Variants in MUC3A observed in about 807,000 individuals in gnomAD.
The protein encoded by MUC3A is mucin-3A.
Under a neutral mutation model 109.0 loss-of-function variants are expected in MUC3A, and 109 were observed. The ratio of observed to expected loss-of-function variants is 1.00; its 90% CI spans 0.86 to 1.17. The LOEUF is 1.17. MUC3A is among the 50% of genes most tolerant of loss of function. The pLI, the probability that MUC3A is intolerant of heterozygous loss-of-function variation, is 0.00. For missense variants in MUC3A, 3,537 were observed against 2,469.4 expected (o/e 1.43, Z -9.16); for synonymous variants, 1,398 against 981.4 (o/e 1.42, Z -7.93).
At chr7:100,950,291 C>G (rs1020910509) in intron 1 of MUC3A, among the ~76,000 whole-genome samples, 4 of 152,424 alleles carry the variant, frequency 2.6e-5, no homozygotes, top group Non-Finnish European at 2.9e-5. Context: ...GTCCACTTCG[C>G]TTCCAAGGGT....
chr7:100,950,363 C>T (rs924407137), intron 1 of MUC3A, among the ~76,000 whole-genome samples: 1 of 152,288 alleles, frequency 6.6e-6, no homozygotes, highest in Admixed American at 6.5e-5. Flanking sequence ...AGGAACACCT[C>T]GCAATTCCTC....
At position 100,965,672 on chromosome 7, in the gene MUC3A, T is replaced by C. The variant is rs752546776; in HGVS notation, c.9449-32T>C. The C allele has an allele frequency of 6.3e-6, 10 of 1,585,228 alleles. No individual in the cohort carries two copies. The South Asian group carries it at 1.0e-4, about 16-fold the overall frequency. On this transcript the variant is annotated intron_variant, in intron 7 of 11. Transcript: ENST00000379458. ...CCCTGAATAGAATGGATGAGGTCCTTGTCTCTGTGCATCCCCCTCCCCAAC... is the reference window on the plus strand; with the variant it reads ...CCCTGAATAGAATGGATGAGGTCCTCGTCTCTGTGCATCCCCCTCCCCAAC...
chr7:100,964,963 A>G, intron 6 of MUC3A, 120 bp downstream of exon 6: 2 of 1,433,308 alleles, frequency 1.4e-6, no homozygotes, highest in Non-Finnish European at 1.8e-6. Context: ...AGGTTGGGAG[A>G]AGGGGAATAA....
intron 1 of MUC3A, among the ~76,000 whole-genome samples, chr7:100,951,407 G>A (rs79986815): frequency 0.19 from 24,919 of 131,838 alleles, no homozygotes; most frequent in African/African-American, 0.2. Flanking sequence ...ACAGCAGCAG[G>A]GTGCCGGGAG....
intron 7 of MUC3A, 53 bp downstream of exon 7, chr7:100,965,400 C>T: frequency 1.3e-6 from 2 of 1,572,636 alleles, no homozygotes; most frequent in Non-Finnish European, 1.7e-6. Context: ...ATCCGGGCTA[C>T]CAGGGACATT....
At position 100,955,783 on chromosome 7, in the gene MUC3A, C is replaced by T. The variant is rs1353275951; in HGVS notation, c.4004C>T (p.Thr1335Met). Residue 1335 changes from threonine to methionine, a missense_variant, in exon 2 of 12, where the codon ACG (threonine) becomes ATG (methionine). Coordinates refer to ENST00000379458, the MANE Select transcript of MUC3A (RefSeq NM_005960.2). ...ACCACCTCATTCACCACATCCCCAA[C>T]GATGGAACCACCTTCAACCACTGTA... ...TTTTSFTTSP[T>M]MEPPSTTVAT... 26 of 323,142 alleles carry T rather than the reference C, an allele frequency of 8.0e-5. No individual in the cohort carries two copies. The highest frequency in any genetic ancestry group is 1.7e-4 in the African/African-American group (4 of 23,096). 20.0% of individuals were successfully genotyped at this position (323,142 alleles called of 1,614,324 possible).
At chr7:100,960,980 G>T in intron 3 of MUC3A, 43 bp downstream of exon 3, 2 of 1,598,338 alleles carry the variant, frequency 1.3e-6, no homozygotes, top group South Asian at 1.1e-5. Context: ...CTCCCACAGG[G>T]TGTCACTGAC....
intron 8 of MUC3A, 47 bp downstream of exon 8, chr7:100,965,913 T>C: frequency 1.3e-6 from 2 of 1,550,924 alleles, no homozygotes; most frequent in Non-Finnish European, 1.7e-6. Context: ...CTCCCACTCA[T>C]TCTAGGATGA....
At position 100,966,699 on chromosome 7, in the gene MUC3A, T is replaced by C. The variant is rs1265435846; in HGVS notation, c.9833T>C (p.Val3278Ala). The stretch of plus-strand genomic sequence containing the variant: ...TGGTTCGAGACCTGGGATGAGGAAG[T>C]CGTGGGCACTTTTTCAAACTGGGGT... ...RKWFETWDEEVVGTFSNWGFE... is the reference protein window; with the variant it reads ...RKWFETWDEEAVGTFSNWGFE... Residue 3278 changes from valine to alanine, a missense_variant, in exon 10 of 12, where the codon GTC (valine) becomes GCC (alanine). Val to Ala is a moderately conservative substitution (Grantham distance 64). Coordinates refer to ENST00000379458, the MANE Select transcript of MUC3A (RefSeq NM_005960.2). The C allele has an allele frequency of 7.5e-6, 12 of 1,598,544 alleles. No homozygotes were observed. Among genetic ancestry groups the C allele is most frequent in the Non-Finnish European group, 1.0e-5 (12 of 1,179,826 alleles).
Position 100,966,695 on chromosome 7 carries a change from G to A in MUC3A, c.9829G>A (p.Glu3277Lys), listed in dbSNP as rs587743533. 5.3e-5 allele frequency: 84 copies of A among 1,598,506 alleles called. No homozygotes were observed. The African/African-American group carries it at 9.3e-4, about 18-fold the overall frequency. ...GAAATGGTTCGAGACCTGGGATGAGGAAGTCGTGGGCACTTTTTCAAACTG... is the reference window on the plus strand; with the variant it reads ...GAAATGGTTCGAGACCTGGGATGAGAAAGTCGTGGGCACTTTTTCAAACTG... ...DRKWFETWDE[E>K]VVGTFSNWGF... The change falls in exon 10 of 12, where the codon GAA becomes AAA. Residue 3277 changes from glutamate to lysine, a missense_variant. Glu to Lys is a moderately conservative substitution (Grantham distance 56). Coordinates refer to ENST00000379458, the MANE Select transcript of MUC3A (RefSeq NM_005960.2).
In MUC3A at chr7:100,957,401, C is replaced by T. The variant is rs1054594800; in HGVS notation, c.5622C>T (p.Pro1874=). ...GTLSTVTSLR[P]TSSSLLTTVT... is the part of the protein sequence containing the mutation. Reference sequence around the variant, plus strand: ...TGTCCACTGTGACCTCTCTTCGACCCACCTCTTCCTCTCTCCTCACCACAG... The same window carrying T: ...TGTCCACTGTGACCTCTCTTCGACCTACCTCTTCCTCTCTCCTCACCACAG... The change falls in exon 2 of 12, where the codon CCC becomes CCT. Residue 1874 remains proline, a synonymous_variant. Coordinates refer to ENST00000379458, the MANE Select transcript of MUC3A (RefSeq NM_005960.2). 5 of 687,178 alleles carry T rather than the reference C, an allele frequency of 7.3e-6. No individual in the cohort carries two copies. Among genetic ancestry groups the T allele is most frequent in the African/African-American group, 4.3e-5 (2 of 46,456 alleles). The allele number at this position is 687,178 out of a possible 1,614,324, so 42.6% of individuals were successfully genotyped here.
In MUC3A at chr7:100,966,559, G is replaced by T. The variant is rs776172302; in HGVS notation, c.9785G>T (p.Arg3262Leu). ...SGWWGGQRRGRSWDQDRKWFE... is the reference protein window; with the variant it reads ...SGWWGGQRRGLSWDQDRKWFE... The stretch of plus-strand genomic sequence containing the variant: ...TGGTGGGGCGGCCAGCGCCGAGGCC[G>T]GTGAGCGTGCGGGGGGCGGGGCCGG... Residue 3262 changes from arginine to leucine, a missense_variant and splice_region_variant, in exon 9 of 12, where the codon CGG becomes CTG. Arg to Leu is a moderately radical substitution (Grantham distance 102, BLOSUM62 -2). Coordinates refer to ENST00000379458, the MANE Select transcript of MUC3A (RefSeq NM_005960.2). 5 of 1,461,230 alleles carry T rather than the reference G, an allele frequency of 3.4e-6. No homozygotes were observed. Among genetic ancestry groups the T allele is most frequent in the African/African-American group, 2.9e-5 (2 of 69,318 alleles). 90.5% of individuals were successfully genotyped at this position (1,461,230 alleles called of 1,614,324 possible).
chr7:100,966,372 G>T lies in MUC3A; in HGVS notation c.9612-14G>T, dbSNP rs760187871. 13 of 1,323,026 alleles carry T rather than the reference G, an allele frequency of 9.8e-6. No homozygotes were observed. The African/African-American group carries it at 2.0e-4, about 20-fold the overall frequency. 82.0% of individuals were successfully genotyped at this position (1,323,026 alleles called of 1,614,324 possible). A position where few individuals can be genotyped will look rare whatever the true frequency, so the allele number is the denominator to read the frequency against. On this transcript the variant is annotated splice_polypyrimidine_tract_variant and intron_variant, in intron 8 of 11. Coordinates refer to ENST00000379458, the MANE Select transcript of MUC3A (RefSeq NM_005960.2). ...CCGGAGGTGAAGAGGGTCTGACCCT[G>T]CGATCTCCCGCAGCTGCTACTCCAC...
Position 100,963,578 on chromosome 7 carries a change from C to CCCGG in MUC3A, c.9169-105_9169-102dup, listed in dbSNP as rs568868403. On this transcript the variant is annotated intron_variant, in intron 4 of 11. Transcript: ENST00000379458. ...GGGATTACAGGCGTGAGCCACGGCA[C>CCCGG]CCGGCCGGGGAGGGGAATTGAAGGG... is the stretch of plus-strand genomic sequence containing the variant. 426 of 1,535,574 alleles carry CCCGG rather than the reference C, an allele frequency of 2.8e-4. No individual in the cohort carries two copies. The South Asian group carries it at 4.6e-3, about 17-fold the overall frequency.
At chr7:100,966,225 C>T in intron 8 of MUC3A, 161 bp from the exon 9 acceptor site, 2 of 431,180 alleles carry the variant, frequency 4.6e-6, no homozygotes, top group East Asian at 8.5e-5. Flanking sequence ...AGAGCCCCGG[C>T]CCCTCGTTCT....
In MUC3A at chr7:100,957,178, C is replaced by G. The variant is rs1327349792; in HGVS notation, c.5399C>G (p.Ser1800Cys). 2 of 459,584 alleles carry G rather than the reference C, an allele frequency of 4.4e-6. No homozygotes were observed. Among genetic ancestry groups the G allele is most frequent in the Middle Eastern group, 2.9e-4 (1 of 3,488 alleles). 28.5% of individuals were successfully genotyped at this position (459,584 alleles called of 1,614,324 possible). Residue 1800 changes from serine (S) to cysteine (C), a missense_variant, in exon 2 of 12, where the codon TCT (serine) becomes TGT (cysteine). Ser to Cys is a moderately radical substitution (Grantham distance 112). Coordinates refer to ENST00000379458, the MANE Select transcript of MUC3A (RefSeq NM_005960.2). ...TCATTTACCAGTAGCGTTTCATCTT[C>G]TACGCCTGTCCCAAGTACAGAAGCG... ...LPSFTSSVSS[S>C]TPVPSTEAIT...
Position 100,960,641 on chromosome 7 carries a change from T to C in MUC3A, c.8862T>C (p.Thr2954=). ...CCACACAGTCCACGTTGACCACCAC[T>C]GCAGGTTGGACCTTCTGCCTCTCTG... ...QMTTQSTLTT[T]AGTCDNGGTW... is the part of the protein sequence containing the mutation. The change falls in exon 2 of 12, where the codon ACT becomes ACC. Residue 2954 remains threonine (T), a synonymous_variant. Transcript: ENST00000379458. The C allele has an allele frequency of 6.3e-7, 1 of 1,597,450 alleles. No individual in the cohort carries two copies. The highest frequency in any genetic ancestry group is 8.5e-7 in the Non-Finnish European group (1 of 1,179,082).
At chr7:100,966,269 A>ACCCCCCAGCTTGACCTAGGGTGGAAC in intron 8 of MUC3A, 117 bp from the exon 9 acceptor site, 1 of 984,760 alleles carries the variant, frequency 1.0e-6, no homozygotes, top group South Asian at 5.2e-5. Context: ...CTAGGGTGGA[A>ACCCCCCAGCTTGACCTAGGGTGGAAC]CCCCCCGCTG....
chr7:100,951,425 G>A (rs1237860904), intron 1 of MUC3A, among the ~76,000 whole-genome samples: 3 of 152,298 alleles, frequency 2.0e-5, no homozygotes, highest in Non-Finnish European at 4.4e-5. Flanking sequence ...GAGAAGCAGT[G>A]GTGGGAGCAG....
Sources: allele counts gnomAD v4.1 joint callset (sites outside exome capture counted in the v4.1 genomes callset), GRCh38; gene constraint gnomAD v4.1.1; transcripts MANE v1.5; gene names NCBI Gene and HGNC (gene_info 2026-07-23, HGNC 2026-07-21).